Variants in KLHL25 observed in about 807,000 individuals in gnomAD.
KLHL25 encodes the protein kelch like family member 25, also known as kelch-like protein 25.
KLHL25 carries 41 observed loss-of-function variants against 30.0 expected under a neutral mutation model. The observed-to-expected ratio is 1.37, with a 90% CI of 1.07 to 1.78. The LOEUF is 1.78. Among genes scored for constraint, KLHL25 ranks in the 40% most tolerant of loss-of-function variants. The pLI, the probability that KLHL25 is intolerant of heterozygous loss-of-function variation, is 0.00. For synonymous variants in KLHL25, 399 were observed against 355.3 expected (o/e 1.12, Z -1.38); for missense variants, 971 against 824.5 (o/e 1.18, Z -2.18).
chr15:85,785,454 T>G (rs937891254), intron 1 of KLHL25, among the ~76,000 whole-genome samples: 2 of 152,188 alleles, frequency 1.3e-5, no homozygotes, highest in African/African-American at 4.8e-5. Flanking sequence ...AGGTTCTCAA[T>G]TTCATTTAAC....
intron 1 of KLHL25, among the ~76,000 whole-genome samples, chr15:85,787,194 C>A (rs948520080): frequency 7.1e-6 from 1 of 140,976 alleles, no homozygotes; most frequent in Non-Finnish European, 1.5e-5. Flanking sequence ...CGCCTGTAAT[C>A]CCAGAACTTT....
At chr15:85,790,651 T>C (rs1011167140) in intron 1 of KLHL25, among the ~76,000 whole-genome samples, 2 of 152,164 alleles carry the variant, frequency 1.3e-5, no homozygotes, top group Non-Finnish European at 2.9e-5. Flanking sequence ...ACTCAAGTGC[T>C]CTTTCTGCCA....
At chr15:85,775,484 C>G (rs1450316038) in intron 1 of KLHL25, among the ~76,000 whole-genome samples, 1 of 152,128 alleles carries the variant, frequency 6.6e-6, no homozygotes, top group Admixed American at 6.5e-5. Context: ...GCATCGGAGT[C>G]AGGATTCCAC....
intron 2 of KLHL25, 45 bp downstream of exon 2, chr15:85,767,972 T>G: frequency 1.5e-6 from 2 of 1,303,874 alleles, no homozygotes; most frequent in Non-Finnish European, 2.1e-6. Context: ...CATTCCCCCA[T>G]GACCTTTCCG....
At chr15:85,765,828 CAAA>C (rs35443769) in intron 2 of KLHL25, among the ~76,000 whole-genome samples, 3 of 103,708 alleles carry the variant, frequency 2.9e-5, no homozygotes, top group Non-Finnish European at 1.9e-5. Context: ...GAGACTGTCT[CAAA>C]AAAAAAAAAA....
At chr15:85,762,841 A>G (rs965615331) in intron 2 of KLHL25, 1 of 152,254 alleles carries the variant, frequency 6.6e-6, no homozygotes, top group African/African-American at 2.4e-5. Context: ...TCTTTAAGAC[A>G]GGAGAGAATG....
intron 1 of KLHL25, among the ~76,000 whole-genome samples, chr15:85,790,928 G>T (rs1329800749): frequency 6.6e-6 from 1 of 151,368 alleles, no homozygotes; most frequent in African/African-American, 2.4e-5. Flanking sequence ...AAGGCCAGGT[G>T]CGGTGGCTCA....
chr15:85,790,541 G>A (rs1422071087), intron 1 of KLHL25, among the ~76,000 whole-genome samples: 2 of 152,226 alleles, frequency 1.3e-5, no homozygotes, highest in African/African-American at 4.8e-5. Context: ...ACATTTAATA[G>A]AAGTATTATA....
At chr15:85,782,397 G>T (rs1289193508) in intron 1 of KLHL25, among the ~76,000 whole-genome samples, 1 of 151,724 alleles carries the variant, frequency 6.6e-6, no homozygotes, top group Non-Finnish European at 1.5e-5. Flanking sequence ...GCCAAATTGT[G>T]AGCGCTCCTG....
rs1280852616 is a variant in KLHL25, at chr15:85,769,410, T to C, written c.401A>G (p.Asp134Gly). The C allele has an allele frequency of 6.2e-7, 1 of 1,614,104 alleles. No homozygotes were observed. Among genetic ancestry groups the C allele is most frequent in the Non-Finnish European group, 8.5e-7 (1 of 1,180,030 alleles). ...CTTCTCCAGGAACTCGGCGGCAGCA[T>C]CCCGCACATCGTGGAACTGCAGCAT... ...GDMLQFHDVRDAAAEFLEKNL... is the reference protein window; with the variant it reads ...GDMLQFHDVRGAAAEFLEKNL... The change falls in exon 2 of 3, where the codon GAT (aspartate) becomes GGT (glycine). Residue 134 changes from aspartate (D) to glycine (G), a missense_variant. Physicochemically the swap from Asp to Gly is moderately conservative, Grantham distance 94. Transcript: ENST00000337975.
chr15:85,789,079 G>A lies in KLHL25; in HGVS notation c.-11+5687C>T, dbSNP rs1339684671. Among the ~76,000 whole-genome samples the A allele has an allele frequency of 6.6e-6, 1 of 152,230 alleles. No individual in the cohort carries two copies. Among genetic ancestry groups the A allele is most frequent in the African/African-American group, 2.4e-5 (1 of 41,460 alleles). Reference sequence around the variant, plus strand: ...GAAATTAATTCTGCTCAGCCTAGATGGATCTGTGGTCAGCCTCTCCTTGGG... The same window carrying A: ...GAAATTAATTCTGCTCAGCCTAGATAGATCTGTGGTCAGCCTCTCCTTGGG... On this transcript the variant is annotated intron_variant, in intron 1 of 2. Coordinates refer to ENST00000337975, the MANE Select transcript of KLHL25 (RefSeq NM_022480.4). The surrounding 1 kb of genome is among the most constrained non-coding windows in gnomAD (Gnocchi z 4.1).
rs1354460417 is a variant in KLHL25, at chr15:85,769,763, C to G, written c.48G>C (p.Gly16=). The G allele has an allele frequency of 6.2e-7, 1 of 1,613,222 alleles. No individual in the cohort carries two copies. Residue 16 remains glycine, a synonymous_variant, in exon 2 of 3, where the codon GGG becomes GGC. Coordinates refer to ENST00000337975, the MANE Select transcript of KLHL25 (RefSeq NM_022480.4). ...TGTGGAAGAGGGTGACGTTCATGGA[C>G]CCCGTGCTGCTCCGCGACTTGCGGG... ...HETRKSRSST[G]SMNVTLFHKA... is the part of the protein sequence containing the mutation.
At chr15:85,788,553 G>A (rs1279676404) in intron 1 of KLHL25, among the ~76,000 whole-genome samples, 1 of 152,090 alleles carries the variant, frequency 6.6e-6, no homozygotes, top group Non-Finnish European at 1.5e-5. Flanking sequence ...TTGAAATGAG[G>A]AAACCAACAG....
At chr15:85,779,015 C>T (rs2614676) in intron 1 of KLHL25, among the ~76,000 whole-genome samples, 23,947 of 151,224 alleles carry the variant, frequency 0.16, 2,483 homozygotes, top group East Asian at 0.36. Context: ...TCAAAGGCAA[C>T]GTATGGATTT....
At chr15:85,788,306 G>C (rs1008452943) in intron 1 of KLHL25, among the ~76,000 whole-genome samples, 2 of 152,126 alleles carry the variant, frequency 1.3e-5, no homozygotes, top group African/African-American at 4.8e-5. Context: ...TGGCTCAAAT[G>C]TCACCACCCC....
Position 85,768,308 on chromosome 15 carries a change from C to T in KLHL25, c.1503G>A (p.Thr501=), listed in dbSNP as rs113570702. ...GSQIFIMGGD[T]EFTAASAYRF... is the part of the protein sequence containing the mutation. ...GGTAGGCCGAGGCGGCTGTGAATTC[C>T]GTGTCACCTCCCATGATGAAGATCT... The change falls in exon 2 of 3, where the codon ACG becomes ACA. Residue 501 remains threonine, a synonymous_variant. Coordinates refer to ENST00000337975, the MANE Select transcript of KLHL25 (RefSeq NM_022480.4). 2.3e-5 allele frequency: 37 copies of T among 1,613,878 alleles called. 1 individual carries two copies. The Admixed American group carries it at 3.2e-4, about 14-fold the overall frequency.
intron 1 of KLHL25, 62 bp from the exon 2 acceptor site, chr15:85,769,882 C>T (rs1471645084): frequency 7.3e-7 from 1 of 1,370,388 alleles, no homozygotes; most frequent in East Asian, 2.4e-5. Flanking sequence ...CCTCTCAGGG[C>T]TCACTCTTCA....
chr15:85,779,026 G>A (rs2089727739), intron 1 of KLHL25, among the ~76,000 whole-genome samples: 1 of 151,784 alleles, frequency 6.6e-6, no homozygotes, highest in Admixed American at 6.6e-5. Flanking sequence ...GTATGGATTT[G>A]GCCAGCTCCT....
rs2089805584 is a variant in KLHL25 at position 85,789,910 on chromosome 15, GC to G, written c.-11+4855del. 6.6e-6 allele frequency among the ~76,000 whole-genome samples: 1 copy of G among 152,180 alleles called. No individual in the cohort carries two copies. Among genetic ancestry groups the G allele is most frequent in the African/African-American group, 2.4e-5 (1 of 41,440 alleles). On this transcript the variant is annotated intron_variant, in intron 1 of 2. Coordinates refer to ENST00000337975, the MANE Select transcript of KLHL25 (RefSeq NM_022480.4). This position sits in a 1 kb window ranked among gnomAD's most constrained non-coding sequence, Gnocchi z 4.1. Reference sequence around the variant, plus strand: ...AACTGCCAGAGGCTCAAGGAGAACAGCCCCGTCCCTTTGGAGTTACTGGGAA... The same window carrying G: ...AACTGCCAGAGGCTCAAGGAGAACAGCCCGTCCCTTTGGAGTTACTGGGAA...
Sources: gnomAD v4.1 joint callset for allele counts (sites outside exome capture counted in the v4.1 genomes callset) on GRCh38, gnomAD v4.1.1 for gene constraint, Gnocchi (gnomAD v3.1) non-coding constraint, MANE v1.5 for transcripts, NCBI Gene and HGNC (gene_info 2026-07-23, HGNC 2026-07-21) for gene names.